CCDC85A: variants seen among roughly 807,000 people sequenced by gnomAD.
CCDC85A encodes the protein coiled-coil domain-containing protein 85A.
Under a neutral mutation model 50.2 loss-of-function variants are expected in CCDC85A, and 38 were observed. The ratio of observed to expected loss-of-function variants is 0.76; its 90% CI spans 0.58 to 0.99. The LOEUF (loss-of-function observed/expected upper bound fraction) is 0.99, where lower values mean the gene tolerates loss of function less well. CCDC85A is among the 50% of genes least tolerant of loss of function. The pLI is 0.00. For synonymous variants in CCDC85A, 366 were observed against 301.4 expected (o/e 1.21, Z -2.22); for missense variants, 820 against 742.0 (o/e 1.11, Z -1.22).
intron 5 of CCDC85A, 150 bp downstream of exon 5, chr2:56,376,085 A>G: frequency 3.6e-6 from 3 of 823,810 alleles, no homozygotes; most frequent in Non-Finnish European, 5.3e-6. Flanking sequence ...TTAATTTTTG[A>G]AGTATGATTT....
chr2:56,226,089 T>C (rs1046694189), intron 2 of CCDC85A, among the ~76,000 whole-genome samples: 3 of 152,208 alleles, frequency 2.0e-5, no homozygotes, highest in Non-Finnish European at 2.9e-5. Context: ...CAAGCTGCAA[T>C]GGGATTATCA....
In CCDC85A at chr2:56,280,708, A is replaced by G. The variant is rs554043442; in HGVS notation, c.1241-62171A>G. Among the ~76,000 whole-genome samples, 25 of 152,280 alleles carry G rather than the reference A, an allele frequency of 1.6e-4. No homozygotes were observed. The South Asian group carries it at 3.3e-3, about 20-fold the overall frequency. On this transcript the variant is annotated intron_variant, in intron 2 of 5. Transcript: ENST00000407595. Reference sequence around the variant, plus strand: ...GTGTTAGAGAGAGTGTTAAAAAACAATGAGGTGGAGGTGGGAGGCAATGAT... The same window carrying G: ...GTGTTAGAGAGAGTGTTAAAAAACAGTGAGGTGGAGGTGGGAGGCAATGAT...
intron 2 of CCDC85A, among the ~76,000 whole-genome samples, chr2:56,229,808 C>G (rs1358245371): frequency 1.3e-5 from 2 of 152,044 alleles, no homozygotes; most frequent in Non-Finnish European, 2.9e-5. Context: ...TCAGAAAGAG[C>G]CTACCCCGTG....
chr2:56,370,481 A>C (rs1676016335), intron 3 of CCDC85A, among the ~76,000 whole-genome samples: 1 of 152,114 alleles, frequency 6.6e-6, no homozygotes, highest in South Asian at 2.1e-4. Context: ...TTCCTTTAAA[A>C]TGGTTATATC....
At chr2:56,277,483 T>G (rs1558619406) in intron 2 of CCDC85A, among the ~76,000 whole-genome samples, 1 of 152,216 alleles carries the variant, frequency 6.6e-6, no homozygotes, top group Admixed American at 6.5e-5. Context: ...CTTTTTTCTT[T>G]CCATTTGACA....
intron 2 of CCDC85A, among the ~76,000 whole-genome samples, chr2:56,201,557 T>C (rs898390930): frequency 1.3e-5 from 2 of 152,190 alleles, no homozygotes; most frequent in Non-Finnish European, 2.9e-5. Context: ...TGATCTAGGC[T>C]GTATGTAGCT....
chr2:56,377,519 C>T (rs1676389913), intron 5 of CCDC85A, among the ~76,000 whole-genome samples: 1 of 152,136 alleles, frequency 6.6e-6, no homozygotes, highest in Non-Finnish European at 1.5e-5. Context: ...CATAGTGAGT[C>T]ACACTGAAAT....
chr2:56,354,158 A>G (rs186634836), intron 3 of CCDC85A, among the ~76,000 whole-genome samples: 14 of 152,354 alleles, frequency 9.2e-5, no homozygotes, highest in Non-Finnish European at 1.5e-5. Flanking sequence ...GACGAAAGAG[A>G]ATGCTAACAT....
Position 56,184,948 on chromosome 2 carries a change from GC to G in CCDC85A, c.276+52del. On this transcript the variant is annotated intron_variant, in intron 1 of 5. Coordinates refer to ENST00000407595, the MANE Select transcript of CCDC85A (RefSeq NM_001080433.2). ...GGCGCGGCGCGGCTGGGAGCGGGGTGCCCCGAGGAGGAGGCGGGGCCAGGCA... is the reference window on the plus strand; with the variant it reads ...GGCGCGGCGCGGCTGGGAGCGGGGTGCCCGAGGAGGAGGCGGGGCCAGGCA... The G allele has an allele frequency of 2.8e-6, 4 of 1,439,688 alleles. No homozygotes were observed. The South Asian group carries it at 4.3e-5, about 16-fold the overall frequency. The allele number at this position is 1,439,688 out of a possible 1,614,324, so 89.2% of individuals were successfully genotyped here. A position where few individuals can be genotyped will look rare whatever the true frequency, so the allele number is the denominator to read the frequency against.
chr2:56,329,483 G>GAA, intron 2 of CCDC85A, among the ~76,000 whole-genome samples: 1 of 152,298 alleles, frequency 6.6e-6, no homozygotes, highest in East Asian at 1.9e-4. Flanking sequence ...ACAAATATAT[G>GAA]AAAAATTCCA....
chr2:56,206,947 CAAT>C (rs1445421206), intron 2 of CCDC85A, among the ~76,000 whole-genome samples: 1 of 136,282 alleles, frequency 7.3e-6, no homozygotes, highest in Non-Finnish European at 1.6e-5. Flanking sequence ...TCTTCTGAGT[CAAT>C]GATGAAGGTG....
At chr2:56,249,594 G>A (rs1669661394) in intron 2 of CCDC85A, among the ~76,000 whole-genome samples, 1 of 152,262 alleles carries the variant, frequency 6.6e-6, no homozygotes, top group African/African-American at 2.4e-5. Context: ...CTTTGCGTAT[G>A]CAGCATCTTT....
At chr2:56,279,366 T>C (rs1008903020) in intron 2 of CCDC85A, among the ~76,000 whole-genome samples, 4 of 152,154 alleles carry the variant, frequency 2.6e-5, no homozygotes, top group Non-Finnish European at 5.9e-5. Flanking sequence ...TTTTAAAACA[T>C]ATTCATAACC....
chr2:56,353,204 T>C (rs1210206153), intron 3 of CCDC85A, among the ~76,000 whole-genome samples: 1 of 152,202 alleles, frequency 6.6e-6, no homozygotes, highest in Non-Finnish European at 1.5e-5. Context: ...TGTTTAAGAC[T>C]CAGACCATAT....
At chr2:56,239,431 T>C (rs1669160735) in intron 2 of CCDC85A, among the ~76,000 whole-genome samples, 1 of 152,122 alleles carries the variant, frequency 6.6e-6, no homozygotes, top group Non-Finnish European at 1.5e-5. Context: ...GGCCTGTTCC[T>C]ATTCCCTCTT....
intron 2 of CCDC85A, among the ~76,000 whole-genome samples, chr2:56,274,505 T>A (rs2104075963): frequency 6.6e-6 from 1 of 152,322 alleles, no homozygotes; most frequent in Middle Eastern, 3.4e-3. Context: ...TGCTTCCTTT[T>A]CAGGAAACCT....
chr2:56,256,602 T>G (rs928245663), intron 2 of CCDC85A, among the ~76,000 whole-genome samples: 1 of 152,242 alleles, frequency 6.6e-6, no homozygotes, highest in Non-Finnish European at 1.5e-5. Flanking sequence ...TCTTCTTTGT[T>G]CGCTGTAAAA....
chr2:56,334,220 G>A (rs1673964653), intron 2 of CCDC85A, among the ~76,000 whole-genome samples: 2 of 152,116 alleles, frequency 1.3e-5, no homozygotes, highest in Non-Finnish European at 2.9e-5. Context: ...GCTGGAATGT[G>A]GGCTCCATAA....
At chr2:56,228,768 A>C (rs950264468) in intron 2 of CCDC85A, among the ~76,000 whole-genome samples, 1 of 151,986 alleles carries the variant, frequency 6.6e-6, no homozygotes, top group Non-Finnish European at 1.5e-5. Context: ...CTCCTGACCT[A>C]GTGATCCGCC....
Sources: allele counts gnomAD v4.1 joint callset (sites outside exome capture counted in the v4.1 genomes callset), GRCh38; gene constraint gnomAD v4.1.1; transcripts MANE v1.5; gene names NCBI Gene and HGNC (gene_info 2026-07-23, HGNC 2026-07-21).